FOXP1: variants seen among roughly 807,000 people sequenced by gnomAD.
FOXP1 encodes forkhead box protein P1.
FOXP1 carries 15 observed loss-of-function variants against 98.2 expected under a neutral mutation model. The observed-to-expected ratio is 0.15, with a 90% CI of 0.10 to 0.24. The LOEUF (loss-of-function observed/expected upper bound fraction) is 0.24, where lower values mean the gene tolerates loss of function less well. FOXP1 is among the 10% of genes least tolerant of loss of function. The pLI is 1.00. For synonymous variants in FOXP1, 371 were observed against 314.5 expected (o/e 1.18, Z -1.90); for missense variants, 633 against 848.5 (o/e 0.75, Z 3.15).
intron 2 of FOXP1, among the ~76,000 whole-genome samples, chr3:71,494,442 A>G (rs1469867078): frequency 2.6e-5 from 4 of 152,220 alleles, no homozygotes; most frequent in Non-Finnish European, 4.4e-5. Context: ...TGCCATCAAC[A>G]CTGAAGATGT....
At chr3:71,535,870 G>A (rs542851206) in intron 2 of FOXP1, among the ~76,000 whole-genome samples, 27 of 152,234 alleles carry the variant, frequency 1.8e-4, no homozygotes, top group South Asian at 1.0e-3. Flanking sequence ...TACACACAAC[G>A]CCTCCCCGTG....
At chr3:71,522,632 G>A (rs1302882481) in intron 2 of FOXP1, among the ~76,000 whole-genome samples, 1 of 152,190 alleles carries the variant, frequency 6.6e-6, no homozygotes, top group Admixed American at 6.5e-5. Context: ...GGTGGCACTA[G>A]AGAGCTTCAA....
intron 20 of FOXP1, among the ~76,000 whole-genome samples, chr3:70,963,450 A>G (rs796691118): frequency 2.0e-5 from 3 of 152,228 alleles, no homozygotes; most frequent in Non-Finnish European, 4.4e-5. Context: ...GATGCAGACT[A>G]CTGAAGACAC....
intron 2 of FOXP1, among the ~76,000 whole-genome samples, chr3:71,513,890 G>A (rs1437186983): frequency 6.6e-6 from 1 of 152,212 alleles, no homozygotes; most frequent in Non-Finnish European, 1.5e-5. Context: ...GTCACTCGCT[G>A]TTCAGAGCTT....
chr3:70,970,146 T>C (rs1257964699), intron 19 of FOXP1: 2 of 153,736 alleles, frequency 1.3e-5, no homozygotes, highest in Admixed American at 1.3e-4. Flanking sequence ...CAGTAGGAAA[T>C]AAATACTCCG....
intron 3 of FOXP1, among the ~76,000 whole-genome samples, chr3:71,430,312 C>T (rs976410695): frequency 4.6e-5 from 7 of 152,064 alleles, no homozygotes; most frequent in Admixed American, 3.3e-4. Flanking sequence ...AATGAGCAGG[C>T]GCAAATCTGG....
At chr3:71,384,250 A>C (rs1299846860) in intron 3 of FOXP1, among the ~76,000 whole-genome samples, 1 of 151,974 alleles carries the variant, frequency 6.6e-6, no homozygotes, top group Non-Finnish European at 1.5e-5. Flanking sequence ...ACAAACCAAC[A>C]AACAAACAGG....
At chr3:71,388,266 C>A (rs1473131487) in intron 3 of FOXP1, among the ~76,000 whole-genome samples, 5 of 152,210 alleles carry the variant, frequency 3.3e-5, no homozygotes, top group Admixed American at 3.3e-4. Flanking sequence ...CATCATTCAA[C>A]TGCGTGACTT....
intron 2 of FOXP1, among the ~76,000 whole-genome samples, chr3:71,535,398 G>A (rs1024847051): frequency 6.6e-6 from 1 of 152,098 alleles, no homozygotes; most frequent in Non-Finnish European, 1.5e-5. Flanking sequence ...GCAAAGCAGA[G>A]ATATGCAGCG....
chr3:71,478,926 G>C (rs73093426), intron 3 of FOXP1, among the ~76,000 whole-genome samples: 28 of 152,316 alleles, frequency 1.8e-4, no homozygotes, highest in South Asian at 1.0e-3. Flanking sequence ...TTGAAAGGAG[G>C]GGGGGAGGGA....
intron 3 of FOXP1, among the ~76,000 whole-genome samples, chr3:71,433,322 G>C (rs1042890270): frequency 6.6e-6 from 1 of 152,188 alleles, no homozygotes; most frequent in Non-Finnish European, 1.5e-5. Flanking sequence ...GTAGGTGCCA[G>C]ACTTTTGCTG....
In FOXP1 at chr3:70,959,266, A is replaced by G; in HGVS notation, c.2015T>C (p.Val672Ala). ...CGATAGTCACTCCATGTCCTCGTTT[A>G]CTGGTTCATCTTCGTAATCTCTGTC... ...DHDRDYEDEP[V>A]NEDME is the part of the protein sequence containing the mutation. The change falls in exon 21 of 21, where the codon GTA becomes GCA. Residue 672 changes from valine to alanine, a missense_variant. This residue lies in a region of FOXP1 where 150 missense variants were observed against 163.7 expected (regional missense o/e 0.92). Coordinates refer to ENST00000649528, the MANE Select transcript of FOXP1 (RefSeq NM_001349338.3). The G allele has an allele frequency of 6.2e-7, 1 of 1,611,144 alleles. No homozygotes were observed. Among genetic ancestry groups the G allele is most frequent in the Non-Finnish European group, 8.5e-7 (1 of 1,179,598 alleles).
intron 3 of FOXP1, among the ~76,000 whole-genome samples, chr3:71,454,796 AAAAAAAAAAC>A (rs896366941): frequency 1.1e-3 from 60 of 56,078 alleles, no homozygotes; most frequent in Non-Finnish European, 2.7e-3. Context: ...GTTTTCTTTA[AAAAAAAAAAC>A]AAAAAAAAAA....
At chr3:71,117,997 G>A (rs1391547763) in intron 6 of FOXP1, among the ~76,000 whole-genome samples, 1 of 152,290 alleles carries the variant, frequency 6.6e-6, no homozygotes, top group African/African-American at 2.4e-5. Flanking sequence ...GTGGGTCAGG[G>A]GGAGTGGTGG....
chr3:71,522,559 G>A (rs2043073005), intron 2 of FOXP1, among the ~76,000 whole-genome samples: 1 of 152,170 alleles, frequency 6.6e-6, no homozygotes, highest in Non-Finnish European at 1.5e-5. Context: ...AAAGGTACTG[G>A]CCACCTCCCA....
Position 71,574,577 on chromosome 3 carries a change from A to T in FOXP1, c.-298+6972T>A, listed in dbSNP as rs551676470. On this transcript the variant is annotated intron_variant, in intron 2 of 20. Coordinates refer to ENST00000649528, the MANE Select transcript of FOXP1 (RefSeq NM_001349338.3). ...AATATTCGTGCATGCCCCATCACAT[A>T]CGATAGAGAATTTCCCAAGATGCTT... The T allele has an allele frequency of 1.1e-4, 16 of 152,262 alleles. No homozygotes were observed. In the South Asian group the frequency reaches 3.3e-3, roughly 32 times the overall value. 9.4% of individuals were successfully genotyped at this position (152,262 alleles called of 1,614,324 possible).
intron 17 of FOXP1, among the ~76,000 whole-genome samples, chr3:70,974,555 A>G (rs889903375): frequency 2.0e-5 from 3 of 152,196 alleles, no homozygotes; most frequent in Admixed American, 2.0e-4. Context: ...AGCCTCCTGA[A>G]GTGCCGGGAT....
chr3:71,004,304 T>A (rs1559693806), intron 12 of FOXP1, among the ~76,000 whole-genome samples: 1 of 149,666 alleles, frequency 6.7e-6, no homozygotes, highest in African/African-American at 2.4e-5. Flanking sequence ...AGGAGATTAG[T>A]AAAAAAAAAA....
chr3:71,256,214 G>A (rs755388280), intron 5 of FOXP1, among the ~76,000 whole-genome samples: 19 of 152,092 alleles, frequency 1.2e-4, no homozygotes, highest in Admixed American at 2.0e-4. Context: ...AGAGTCAATA[G>A]CCTGCTCAGA....
Sources: gnomAD v4.1 joint callset for allele counts (sites outside exome capture counted in the v4.1 genomes callset) on GRCh38, gnomAD v4.1.1 for gene constraint, gnomAD v4.1.1 regional missense constraint, MANE v1.5 for transcripts, NCBI Gene and HGNC (gene_info 2026-07-23, HGNC 2026-07-21) for gene names.